The following CTBP2 variants were observed in gnomAD, a reference collection of about 807,000 sequenced individuals.
CTBP2 encodes C-terminal-binding protein 2.
CTBP2 carries 30 observed loss-of-function variants against 80.3 expected under a neutral mutation model. The ratio of observed to expected loss-of-function variants is 0.37; its 90% CI spans 0.28 to 0.51. The LOEUF (loss-of-function observed/expected upper bound fraction) is 0.51. CTBP2 is among the 20% of genes least tolerant of loss of function. CTBP2 has a pLI of 0.93. For synonymous variants in CTBP2, 594 were observed against 587.4 expected (o/e 1.01, Z -0.16); for missense variants, 1,212 against 1,375.3 (o/e 0.88, Z 1.88).
intron 1 of CTBP2, among the ~76,000 whole-genome samples, chr10:125,137,054 T>A (rs919957329): frequency 6.6e-6 from 1 of 152,252 alleles, no homozygotes; most frequent in African/African-American, 2.4e-5. Flanking sequence ...CGACAAGGTC[T>A]CATATTCCTG....
rs568874376 is a variant in CTBP2 at position 125,103,736 on chromosome 10, G to A, written c.-102+7254C>T. Among the ~76,000 whole-genome samples the A allele has an allele frequency of 3.9e-5, 6 of 152,292 alleles. No homozygotes were observed. The East Asian group carries it at 1.2e-3, about 29-fold the overall frequency. ...CACCACCGCGGAAGTGGGTGATAGG[G>A]AGGACTCACTTGCCATGACCAGCTG... On this transcript the variant is annotated intron_variant, in intron 2 of 10. Transcript: ENST00000337195.
At chr10:125,155,420 A>C (rs1860746391) in intron 1 of CTBP2, among the ~76,000 whole-genome samples, 1 of 151,494 alleles carries the variant, frequency 6.6e-6, no homozygotes, top group African/African-American at 2.4e-5. Context: ...TTTTTACACA[A>C]TGTGCAAAGC....
intron 4 of CTBP2, chr10:124,997,557 A>G (rs1953790362): frequency 4.7e-6 from 1 of 213,000 alleles, no homozygotes; most frequent in Admixed American, 5.2e-5. Flanking sequence ...CCATGTCCAT[A>G]ACCCGCGTCT....
At chr10:125,056,725 GGGA>G (rs1564816403) in intron 2 of CTBP2, among the ~76,000 whole-genome samples, 1 of 152,242 alleles carries the variant, frequency 6.6e-6, no homozygotes, top group Non-Finnish European at 1.5e-5. Context: ...TCTTAGTCGA[GGGA>G]TGTTGGCTAC....
At chr10:125,073,565 GATTT>G (rs757040282) in intron 2 of CTBP2, among the ~76,000 whole-genome samples, 1 of 152,152 alleles carries the variant, frequency 6.6e-6, no homozygotes, top group Non-Finnish European at 1.5e-5. Flanking sequence ...TTTCAAATGG[GATTT>G]ATTTTTTAAA....
intron 3 of CTBP2, among the ~76,000 whole-genome samples, chr10:125,036,673 GTGTGTGTGT>G (rs1958917712): frequency 1.1e-4 from 1 of 9,360 alleles, no homozygotes; most frequent in Non-Finnish European, 2.0e-4. Flanking sequence ...GAGGGGGTGT[GTGTGTGTGT>G]GTGTGTGTGT....
chr10:125,141,268 A>T (rs577619122), intron 1 of CTBP2, among the ~76,000 whole-genome samples: 1 of 152,312 alleles, frequency 6.6e-6, no homozygotes, highest in South Asian at 2.1e-4. Flanking sequence ...ACCTGGGCAC[A>T]AGTCTCCAGC....
intron 1 of CTBP2, among the ~76,000 whole-genome samples, chr10:125,131,208 G>A (rs1856124636): frequency 6.6e-6 from 1 of 152,216 alleles, no homozygotes; most frequent in African/African-American, 2.4e-5. Context: ...TCAGAACGTA[G>A]CAGCTGGGGC....
At chr10:125,093,648 A>G (rs572284054) in intron 2 of CTBP2, among the ~76,000 whole-genome samples, 42 of 152,308 alleles carry the variant, frequency 2.8e-4, no homozygotes, top group Admixed American at 7.8e-4. Flanking sequence ...CAGTGACCTA[A>G]TATCACTGGA....
At chr10:125,127,553 T>G (rs1855482398) in intron 1 of CTBP2, among the ~76,000 whole-genome samples, 1 of 152,188 alleles carries the variant, frequency 6.6e-6, no homozygotes, top group Non-Finnish European at 1.5e-5. Context: ...TGATCCTAAA[T>G]CAAAGGGTAT....
chr10:125,061,035 C>T (rs2135343803), intron 2 of CTBP2, among the ~76,000 whole-genome samples: 1 of 152,326 alleles, frequency 6.6e-6, no homozygotes, highest in African/African-American at 2.4e-5. Flanking sequence ...CGGCAACCCT[C>T]AATGCTGAAC....
exon 1 of CTBP2, chr10:125,160,367 G>A (rs1175790399): frequency 1.3e-5 from 2 of 154,916 alleles, no homozygotes. Flanking sequence ...CACCCTGGAG[G>A]CGGCGGCGGC....
intron 1 of CTBP2, among the ~76,000 whole-genome samples, chr10:125,123,263 G>A (rs551071778): frequency 1.7e-4 from 26 of 152,268 alleles, no homozygotes; most frequent in Admixed American, 1.2e-3. Context: ...AGACCTACCC[G>A]TGCTAAAATT....
At chr10:125,108,387 T>C (rs1444705204) in intron 2 of CTBP2, among the ~76,000 whole-genome samples, 2 of 152,242 alleles carry the variant, frequency 1.3e-5, no homozygotes, top group Non-Finnish European at 2.9e-5. Context: ...GGATTCACCA[T>C]TACCTCTGAT....
At chr10:125,017,932 C>G (rs1207574488) in intron 1 of CTBP2, among the ~76,000 whole-genome samples, 1 of 152,220 alleles carries the variant, frequency 6.6e-6, no homozygotes, top group Admixed American at 6.5e-5. Context: ...CAGAGCCCAT[C>G]ATGATGACTG....
At position 125,056,259 on chromosome 10, in the gene CTBP2, G is replaced by A. The variant is rs150008075; in HGVS notation, c.-101-17104C>T. ...ACCACTTCTAGAATGCTCCATGTGCGATGAGAACTATTCTAAGCGGCTGTG... is the reference window on the plus strand; with the variant it reads ...ACCACTTCTAGAATGCTCCATGTGCAATGAGAACTATTCTAAGCGGCTGTG... On this transcript the variant is annotated intron_variant, in intron 2 of 10. Transcript: ENST00000337195. 7.0e-3 allele frequency among the ~76,000 whole-genome samples: 1,066 copies of A among 152,206 alleles called. 7 individuals carry two copies. Among genetic ancestry groups the A allele is most frequent in the Non-Finnish European group, 0.011 (766 of 68,006 alleles).
At chr10:125,156,873 G>A (rs960401190) in intron 1 of CTBP2, among the ~76,000 whole-genome samples, 1 of 152,172 alleles carries the variant, frequency 6.6e-6, no homozygotes. Context: ...TTCTCTGAAA[G>A]GGTAACTGAC....
At chr10:125,020,447 A>G (rs1319768161) in intron 1 of CTBP2, among the ~76,000 whole-genome samples, 1 of 152,210 alleles carries the variant, frequency 6.6e-6, no homozygotes, top group Non-Finnish European at 1.5e-5. Flanking sequence ...AACCAGGAAG[A>G]CAGAACGCCC....
chr10:125,055,060 A>G (rs919236369), intron 2 of CTBP2, among the ~76,000 whole-genome samples: 2 of 152,204 alleles, frequency 1.3e-5, no homozygotes, highest in African/African-American at 4.8e-5. Context: ...GGGGAACATT[A>G]AAAAGATCTA....
Sources: allele counts gnomAD v4.1 joint callset (sites outside exome capture counted in the v4.1 genomes callset), GRCh38; gene constraint gnomAD v4.1.1; transcripts MANE v1.5; gene names NCBI Gene and HGNC (gene_info 2026-07-23, HGNC 2026-07-21).